The following KALRN variants were observed in gnomAD, a reference collection of about 807,000 sequenced individuals.
KALRN encodes the protein kalirin RhoGEF kinase, also known as kalirin.
Under a neutral mutation model 353.7 loss-of-function variants are expected in KALRN, and 70 were observed. The ratio of observed to expected loss-of-function variants is 0.20; its 90% CI spans 0.16 to 0.24. The LOEUF (loss-of-function observed/expected upper bound fraction) is 0.24, where lower values mean the gene tolerates loss of function less well. Ranked by LOEUF, KALRN falls within the 10% of genes least tolerant of loss-of-function variation. The pLI, the probability that KALRN is intolerant of heterozygous loss-of-function variation, is 1.00. For synonymous variants in KALRN, 1,391 were observed against 1,434.8 expected (o/e 0.97, Z 0.69); for missense variants, 2,791 against 3,756.7 (o/e 0.74, Z 6.72).
At chr3:124,045,727 C>T (rs549008686) in intron 1 of KALRN, among the ~76,000 whole-genome samples, 6 of 140,572 alleles carry the variant, frequency 4.3e-5, no homozygotes, top group Non-Finnish European at 6.1e-5. Flanking sequence ...TAATCTTTCC[C>T]GAAAGGAGGT....
chr3:124,412,350 C>T (rs1451818464), intron 13 of KALRN, among the ~76,000 whole-genome samples: 2 of 152,172 alleles, frequency 1.3e-5, no homozygotes, highest in East Asian at 1.9e-4. Context: ...GCTTAGATGG[C>T]CTGGGCCATC....
At chr3:124,590,456 TTAAAAA>T (rs1303621371) in intron 34 of KALRN, among the ~76,000 whole-genome samples, 1 of 152,166 alleles carries the variant, frequency 6.6e-6, no homozygotes, top group Non-Finnish European at 1.5e-5. Context: ...CAAAATAACT[TTAAAAA>T]TAAAAATAAA....
At chr3:124,653,418 A>C (rs1289808131) in intron 38 of KALRN, among the ~76,000 whole-genome samples, 1 of 152,252 alleles carries the variant, frequency 6.6e-6, no homozygotes, top group Non-Finnish European at 1.5e-5. Flanking sequence ...TAATAACAAC[A>C]TAAGTCTTTG....
chr3:124,490,882 C>T lies in KALRN; in HGVS notation c.4585C>T (p.Leu1529=). The T allele has an allele frequency of 6.2e-7, 1 of 1,608,458 alleles. No homozygotes were observed. The change falls in exon 30 of 60, where the codon CTG becomes TTG. Residue 1529 remains leucine, a splice_region_variant and synonymous_variant. Transcript: ENST00000682506. ...HTKYVYKNKL[L]TSELGVTEHV... ...GAAATATGTTTACAAGAACAAGCTA[C>T]TGGTAGGTGGGGCAGGTGGGGTAAG...
chr3:124,542,361 G>A (rs2069127413), intron 33 of KALRN, among the ~76,000 whole-genome samples: 1 of 152,114 alleles, frequency 6.6e-6, no homozygotes, highest in African/African-American at 2.4e-5. Flanking sequence ...ATTTATAAGG[G>A]TTAAATGAAA....
intron 1 of KALRN, among the ~76,000 whole-genome samples, chr3:124,054,439 C>G (rs1479010898): frequency 6.6e-6 from 1 of 151,322 alleles, no homozygotes; most frequent in Admixed American, 6.6e-5. Flanking sequence ...TAAATACCCT[C>G]CTTCCCTACC....
intron 35 of KALRN, 71 bp from the exon 36 acceptor site, chr3:124,633,781 G>C (rs1423303588): frequency 7.6e-7 from 1 of 1,319,542 alleles, no homozygotes; most frequent in Non-Finnish European, 1.1e-6. Flanking sequence ...TATTATTTTT[G>C]TTAATGTCAA....
intron 2 of KALRN, among the ~76,000 whole-genome samples, chr3:124,230,928 A>G (rs1379310690): frequency 6.6e-6 from 1 of 152,024 alleles, no homozygotes; most frequent in South Asian, 2.1e-4. Flanking sequence ...AAAAGATAAA[A>G]TGCAAAAATA....
chr3:124,455,254 G>T lies in KALRN; in HGVS notation c.3630G>T (p.Glu1210Asp). Reference protein sequence around the residue: ...FVEKGHIHATEIRKWVTTVDK... With the variant: ...FVEKGHIHATDIRKWVTTVDK... The stretch of plus-strand genomic sequence containing the variant: ...AAAAAGGCCACATTCATGCCACGGA[G>T]ATAAGGAAATGGGTGACCACGGTGG... Residue 1210 changes from glutamate to aspartate, a missense_variant, in exon 22 of 60, where the codon GAG becomes GAT. Around this residue, in one of 11 missense-constraint regions of KALRN, gnomAD observed 268 missense variants for 347.0 expected, o/e 0.77. Transcript: ENST00000682506. 6.2e-7 allele frequency: 1 copy of T among 1,614,188 alleles called. No individual in the cohort carries two copies. The highest frequency in any genetic ancestry group is 8.5e-7 in the Non-Finnish European group (1 of 1,180,012).
chr3:124,700,380 G>A (rs1005328332), intron 56 of KALRN, among the ~76,000 whole-genome samples: 2 of 152,014 alleles, frequency 1.3e-5, no homozygotes, highest in Non-Finnish European at 2.9e-5. Flanking sequence ...AGCCGTAAAT[G>A]TACCTCCCTG....
At chr3:124,398,299 C>T (rs975339131) in intron 12 of KALRN, among the ~76,000 whole-genome samples, 8 of 152,136 alleles carry the variant, frequency 5.3e-5, no homozygotes, top group East Asian at 3.9e-4. Flanking sequence ...TTTGTCTGTA[C>T]GTATTGTGAT....
At chr3:124,680,114 C>T (rs897890763) in intron 51 of KALRN, among the ~76,000 whole-genome samples, 1 of 152,194 alleles carries the variant, frequency 6.6e-6, no homozygotes, top group African/African-American at 2.4e-5. Flanking sequence ...GTGCTGGGCC[C>T]GTGAGCAGTG....
intron 10 of KALRN, among the ~76,000 whole-genome samples, chr3:124,367,050 C>T (rs1428710502): frequency 7.3e-6 from 1 of 137,068 alleles, no homozygotes; most frequent in South Asian, 2.4e-4. Context: ...GGCGGCTGGC[C>T]GGGCGGGGGG....
At chr3:124,202,163 A>AT (rs1409464179) in intron 1 of KALRN, among the ~76,000 whole-genome samples, 6 of 152,222 alleles carry the variant, frequency 3.9e-5, no homozygotes, top group African/African-American at 1.4e-4. Flanking sequence ...TGATTTGGAA[A>AT]TTTTACATTA....
intron 1 of KALRN, among the ~76,000 whole-genome samples, chr3:124,144,667 C>T (rs1053021738): frequency 3.3e-5 from 5 of 151,640 alleles, no homozygotes; most frequent in African/African-American, 1.2e-4. Flanking sequence ...TCTTCCTCTT[C>T]CTCATCCTCC....
At position 124,704,526 on chromosome 3, in the gene KALRN, T is replaced by C. The variant is rs557286309; in HGVS notation, c.8075+2410T>C. Among the ~76,000 whole-genome samples, 22 of 149,368 alleles carry C rather than the reference T, an allele frequency of 1.5e-4. No individual in the cohort carries two copies. The South Asian group carries it at 4.7e-3, about 32-fold the overall frequency. ...TTGTACATTAACAGAATGGAAATAA[T>C]ACATGGAAATTCTTTTTTTTTCTTT... On this transcript the variant is annotated intron_variant, in intron 57 of 59. Transcript: ENST00000682506.
intron 1 of KALRN, among the ~76,000 whole-genome samples, chr3:124,168,130 T>C (rs1481679243): frequency 1.3e-5 from 2 of 152,202 alleles, no homozygotes; most frequent in Non-Finnish European, 2.9e-5. Flanking sequence ...ACAAAACAAC[T>C]GCAGGGAGTT....
intron 1 of KALRN, among the ~76,000 whole-genome samples, chr3:124,175,201 C>T (rs2072493121): frequency 6.6e-6 from 1 of 152,260 alleles, no homozygotes; most frequent in Non-Finnish European, 1.5e-5. Context: ...GGAATATCAA[C>T]AGACCAAGTT....
At chr3:124,468,497 A>T (rs952769726) in intron 25 of KALRN, among the ~76,000 whole-genome samples, 2 of 152,126 alleles carry the variant, frequency 1.3e-5, no homozygotes, top group African/African-American at 4.8e-5. Context: ...TTCCCAACAC[A>T]CACACCCTTG....
Sources: allele counts gnomAD v4.1 joint callset (sites outside exome capture counted in the v4.1 genomes callset), GRCh38; gene constraint gnomAD v4.1.1; regional missense constraint gnomAD v4.1.1; transcripts MANE v1.5; gene names NCBI Gene and HGNC (gene_info 2026-07-23, HGNC 2026-07-21).